The following SGCZ variants were observed in gnomAD, a reference collection of about 807,000 sequenced individuals.
The protein encoded by SGCZ is sarcoglycan zeta.
SGCZ carries 40 observed loss-of-function variants against 41.3 expected under a neutral mutation model. That is an observed-to-expected ratio of 0.97 (90% CI 0.75 to 1.26). SGCZ has a LOEUF of 1.26. Among genes scored for constraint, SGCZ ranks in the 50% most tolerant of loss-of-function variants. SGCZ has a pLI of 0.00. For synonymous variants in SGCZ, 206 were observed against 137.5 expected, an observed-to-expected ratio of 1.50 and a Z score of -3.49; for missense variants, 552 against 369.8, an observed-to-expected ratio of 1.49 and a Z score of -4.04.
At chr8:14,374,694 G>T (rs184376110) in intron 2 of SGCZ, among the ~76,000 whole-genome samples, 1 of 152,274 alleles carries the variant, frequency 6.6e-6, no homozygotes, top group East Asian at 1.9e-4. Context: ...ATTGGCTTGG[G>T]AGTAGAGGTG....
intron 1 of SGCZ, among the ~76,000 whole-genome samples, chr8:14,767,143 G>T (rs1027146277): frequency 3.9e-5 from 6 of 152,064 alleles, no homozygotes; most frequent in African/African-American, 1.4e-4. Flanking sequence ...GGCTAGGCTT[G>T]CTTTGCCCAA....
intron 1 of SGCZ, among the ~76,000 whole-genome samples, chr8:14,843,957 A>G (rs962927965): frequency 2.6e-5 from 4 of 151,734 alleles, no homozygotes; most frequent in Non-Finnish European, 5.9e-5. Context: ...AGGAAAGAAG[A>G]TTTGATATCA....
intron 1 of SGCZ, among the ~76,000 whole-genome samples, chr8:14,637,534 A>C (rs1343601771): frequency 1.3e-5 from 2 of 151,654 alleles, no homozygotes; most frequent in Non-Finnish European, 2.9e-5. Flanking sequence ...ATACGTGCTC[A>C]GTGTTTAGCT....
rs569584551 is a variant in SGCZ, at chr8:14,312,422, G to A, written c.336+11681C>T. On this transcript the variant is annotated intron_variant, in intron 3 of 7. Transcript: ENST00000382080. ...CGTACATGCAAATATGTGATTTTCGGGTAGTGAAAGAATATACTAGTTGGA... is the reference window on the plus strand; with the variant it reads ...CGTACATGCAAATATGTGATTTTCGAGTAGTGAAAGAATATACTAGTTGGA... Among the ~76,000 whole-genome samples the A allele has an allele frequency of 9.2e-5, 14 of 152,168 alleles. 1 individual carries two copies. The South Asian group carries it at 2.9e-3, about 32-fold the overall frequency.
At chr8:14,363,574 A>G (rs532775753) in intron 2 of SGCZ, among the ~76,000 whole-genome samples, 1 of 152,206 alleles carries the variant, frequency 6.6e-6, no homozygotes, top group East Asian at 1.9e-4. Flanking sequence ...ACTTTTAACA[A>G]TATAAATGGT....
intron 2 of SGCZ, among the ~76,000 whole-genome samples, chr8:14,537,502 C>T (rs981023356): frequency 5.3e-5 from 8 of 151,776 alleles, no homozygotes; most frequent in Admixed American, 3.3e-4. Context: ...TCATTCTTCC[C>T]CTAGGGAAGT....
chr8:14,464,053 T>G (rs1800978146), intron 2 of SGCZ, among the ~76,000 whole-genome samples: 1 of 151,698 alleles, frequency 6.6e-6, no homozygotes, highest in Admixed American at 6.6e-5. Context: ...GTATCAATGT[T>G]CATAAGGAAT....
intron 1 of SGCZ, among the ~76,000 whole-genome samples, chr8:14,584,694 A>G (rs1205379876): frequency 6.6e-6 from 1 of 152,130 alleles, no homozygotes; most frequent in Non-Finnish European, 1.5e-5. Context: ...TAGTATCTAG[A>G]GTAGTACCTA....
At chr8:14,191,336 T>C (rs1307977966) in intron 4 of SGCZ, among the ~76,000 whole-genome samples, 1 of 152,208 alleles carries the variant, frequency 6.6e-6, no homozygotes, top group Non-Finnish European at 1.5e-5. Flanking sequence ...AAGTTTTTAG[T>C]TTGATACAAC....
At chr8:15,071,384 C>A (rs1456586879) in intron 1 of SGCZ, among the ~76,000 whole-genome samples, 1 of 152,024 alleles carries the variant, frequency 6.6e-6, no homozygotes, top group Non-Finnish European at 1.5e-5. Flanking sequence ...AAGAAAGGAG[C>A]AAGACTGGAC....
chr8:14,480,630 T>C (rs903171819), intron 2 of SGCZ, among the ~76,000 whole-genome samples: 1 of 152,142 alleles, frequency 6.6e-6, no homozygotes, highest in Non-Finnish European at 1.5e-5. Context: ...GCTCGGGGCT[T>C]GAAATTCTAA....
intron 1 of SGCZ, among the ~76,000 whole-genome samples, chr8:14,920,421 T>G (rs1162899359): frequency 2.0e-5 from 3 of 152,214 alleles, no homozygotes; most frequent in African/African-American, 4.8e-5. Flanking sequence ...CTGAGCCACT[T>G]ACAAAGACTG....
At chr8:15,150,091 A>G (rs1477957658) in intron 1 of SGCZ, among the ~76,000 whole-genome samples, 4 of 12,632 alleles carry the variant, frequency 3.2e-4, no homozygotes, top group Non-Finnish European at 1.4e-3. Context: ...AGGCTCTACA[A>G]TCAAAATGTG....
intron 3 of SGCZ, chr8:14,309,270 A>T (rs567794173): frequency 2.6e-6 from 4 of 1,550,080 alleles, no homozygotes; most frequent in Non-Finnish European, 3.6e-6. Flanking sequence ...TTGTCTAGTA[A>T]TTTAATGCCT....
intron 5 of SGCZ, among the ~76,000 whole-genome samples, chr8:14,141,450 A>T (rs1176319714): frequency 6.6e-6 from 1 of 152,212 alleles, no homozygotes; most frequent in Non-Finnish European, 1.5e-5. Context: ...GAATCTACAA[A>T]GAACTTAAAC....
intron 1 of SGCZ, among the ~76,000 whole-genome samples, chr8:14,681,212 G>A (rs1808436175): frequency 6.6e-6 from 1 of 151,982 alleles, no homozygotes; most frequent in Non-Finnish European, 1.5e-5. Context: ...ATGATTATGA[G>A]TCTTGCAATC....
chr8:14,551,334 A>G (rs1803802574), intron 2 of SGCZ, among the ~76,000 whole-genome samples: 1 of 140,382 alleles, frequency 7.1e-6, no homozygotes, highest in Non-Finnish European at 1.5e-5. Flanking sequence ...TAGTCTATTA[A>G]CTAAACCACA....
intron 2 of SGCZ, among the ~76,000 whole-genome samples, chr8:14,478,480 C>A (rs73525377): frequency 0.017 from 2,588 of 152,176 alleles, 91 homozygotes; most frequent in African/African-American, 0.06. Flanking sequence ...CCAAGAAAGG[C>A]CAAACTATGG....
At chr8:14,863,359 C>G (rs1803819396) in intron 1 of SGCZ, among the ~76,000 whole-genome samples, 1 of 152,100 alleles carries the variant, frequency 6.6e-6, no homozygotes, top group Admixed American at 6.6e-5. Context: ...GGATTTCTCT[C>G]TGTCACCCAG....
Sources: gnomAD v4.1 joint callset for allele counts (sites outside exome capture counted in the v4.1 genomes callset) on GRCh38, gnomAD v4.1.1 for gene constraint, MANE v1.5 for transcripts, NCBI Gene and HGNC (gene_info 2026-07-23, HGNC 2026-07-21) for gene names.